CYLD: variants seen among roughly 807,000 people sequenced by gnomAD.
CYLD encodes the protein ubiquitin carboxyl-terminal hydrolase CYLD.
CYLD carries 26 observed loss-of-function variants against 104.5 expected under a neutral mutation model. The ratio of observed to expected loss-of-function variants is 0.25; its 90% CI spans 0.18 to 0.35. The LOEUF is 0.35. Ranked by LOEUF, CYLD falls within the 10% of genes least tolerant of loss-of-function variation. CYLD has a pLI of 1.00. For synonymous variants in CYLD, 385 were observed against 399.9 expected (o/e 0.96, Z 0.45); for missense variants, 703 against 1,136.1 (o/e 0.62, Z 5.48).
At position 50,779,789 on chromosome 16, in the gene CYLD, C is replaced by G; in HGVS notation, c.1263C>G (p.Phe421Leu). ...AGAACAGATTCCACTCTTTACCATT[C>G]AGTCTCACCAAGATGCCCAATACCA... ...TTENRFHSLP[F>L]SLTKMPNTNG... Residue 421 changes from phenylalanine to leucine, a missense_variant, in exon 9 of 19, where the codon TTC becomes TTG. Physicochemically the swap from Phe to Leu is conservative, Grantham distance 22. This residue lies in a region of CYLD where 183 missense variants were observed against 212.1 expected (regional missense o/e 0.86). Transcript: ENST00000427738. 6.2e-7 allele frequency: 1 copy of G among 1,613,950 alleles called. No individual in the cohort carries two copies.
chr16:50,748,792 G>C (rs1311553195), intron 2 of CYLD, among the ~76,000 whole-genome samples: 1 of 152,146 alleles, frequency 6.6e-6, no homozygotes, highest in Non-Finnish European at 1.5e-5. Context: ...TATATGAAAT[G>C]AAGTTGAGTC....
At chr16:50,749,020 A>G (rs1272153694) in intron 2 of CYLD, among the ~76,000 whole-genome samples, 2 of 152,166 alleles carry the variant, frequency 1.3e-5, no homozygotes, top group Non-Finnish European at 2.9e-5. Context: ...TAGGCAACAT[A>G]GTGAGACCCT....
chr16:50,790,659 A>G (rs1293749050), intron 14 of CYLD, among the ~76,000 whole-genome samples: 3 of 151,220 alleles, frequency 2.0e-5, no homozygotes, highest in Non-Finnish European at 2.9e-5. Flanking sequence ...TGGGGATATA[A>G]GTTGCTTTGG....
At chr16:50,761,736 A>G (rs1967944756) in intron 5 of CYLD, among the ~76,000 whole-genome samples, 1 of 150,432 alleles carries the variant, frequency 6.6e-6, no homozygotes, top group Non-Finnish European at 1.5e-5. Flanking sequence ...TGGTTTTAGT[A>G]CATATCTCTA....
intron 17 of CYLD, among the ~76,000 whole-genome samples, chr16:50,793,891 T>G (rs558699868): frequency 6.6e-6 from 1 of 152,026 alleles, no homozygotes; most frequent in South Asian, 2.1e-4. Flanking sequence ...CCCATTCACT[T>G]GACACATTGA....
At chr16:50,796,251 AG>A (rs1972039422) in intron 18 of CYLD, 72 bp from the exon 19 acceptor site, 1 of 1,466,522 alleles carries the variant, frequency 6.8e-7, no homozygotes, top group Admixed American at 1.7e-5. Flanking sequence ...TGGAAATGAT[AG>A]GATTATAAAA....
rs1297892695 is a variant in CYLD, at chr16:50,798,696, A to G, written c.*2188A>G. On this transcript the variant is annotated 3_prime_UTR_variant, in exon 19 of 19. Transcript: ENST00000427738. The stretch of plus-strand genomic sequence containing the variant: ...AAATACAAATTGAGGAAGCTCTGCT[A>G]CCCAGGCTGTCATGGTAGAGAACTT... The G allele has an allele frequency of 8.6e-6, 2 of 233,218 alleles. No homozygotes were observed. Among genetic ancestry groups the G allele is most frequent in the African/African-American group, 4.4e-5 (2 of 45,298 alleles). The allele number at this position is 233,218 out of a possible 1,614,324, so 14.4% of individuals were successfully genotyped here.
chr16:50,757,559 C>T (rs751642513), intron 5 of CYLD, among the ~76,000 whole-genome samples: 10 of 149,664 alleles, frequency 6.7e-5, no homozygotes, highest in East Asian at 3.9e-4. Flanking sequence ...TTTTTTGAGA[C>T]GGGGTCTCGC....
intron 5 of CYLD, among the ~76,000 whole-genome samples, chr16:50,762,442 G>A (rs989879797): frequency 2.6e-5 from 4 of 152,042 alleles, no homozygotes; most frequent in African/African-American, 9.7e-5. Context: ...GTTTCCAGAT[G>A]TACACGTGTG....
intron 7 of CYLD, 145 bp downstream of exon 7, chr16:50,776,422 G>A: frequency 1.4e-6 from 1 of 699,216 alleles, no homozygotes; most frequent in South Asian, 1.6e-5. Flanking sequence ...ACTAAAGTTT[G>A]TATATAAATA....
At chr16:50,769,015 AT>A (rs1351015698) in intron 5 of CYLD, among the ~76,000 whole-genome samples, 1 of 152,052 alleles carries the variant, frequency 6.6e-6, no homozygotes, top group East Asian at 1.9e-4. Context: ...CGACATAATT[AT>A]TTTTTATTCA....
At chr16:50,795,324 G>A (rs1971918315) in intron 18 of CYLD, among the ~76,000 whole-genome samples, 1 of 152,154 alleles carries the variant, frequency 6.6e-6, no homozygotes, top group Non-Finnish European at 1.5e-5. Flanking sequence ...TCCCTGAAGT[G>A]GGGAATAGGC....
At chr16:50,790,512 G>A (rs1029649705) in intron 14 of CYLD, among the ~76,000 whole-genome samples, 15 of 151,684 alleles carry the variant, frequency 9.9e-5, no homozygotes, top group African/African-American at 3.6e-4. Flanking sequence ...AAAAATTCTG[G>A]TCTTTTGTCA....
intron 5 of CYLD, among the ~76,000 whole-genome samples, chr16:50,772,831 C>T (rs1467177100): frequency 6.6e-6 from 1 of 152,186 alleles, no homozygotes; most frequent in Non-Finnish European, 1.5e-5. Context: ...ACTCCTGGTC[C>T]TATGAGACAG....
chr16:50,788,178 A>G (rs1269535977), intron 14 of CYLD, among the ~76,000 whole-genome samples: 1 of 152,206 alleles, frequency 6.6e-6, no homozygotes, highest in East Asian at 1.9e-4. Context: ...AAAATATCTC[A>G]TTCTAACTTA....
intron 5 of CYLD, among the ~76,000 whole-genome samples, chr16:50,764,677 C>G (rs1275988986): frequency 1.3e-5 from 2 of 152,106 alleles, no homozygotes; most frequent in Non-Finnish European, 2.9e-5. Flanking sequence ...TTTTTTAGGT[C>G]TAAGCCCGTA....
At chr16:50,780,384 T>G (rs1373855507) in intron 9 of CYLD, among the ~76,000 whole-genome samples, 1 of 152,202 alleles carries the variant, frequency 6.6e-6, no homozygotes, top group Non-Finnish European at 1.5e-5. Context: ...TTCTAATAAT[T>G]ATATCACTGG....
rs1010722755 is a variant in CYLD at position 50,782,122 on chromosome 16, G to C, written c.1685-203G>C. On this transcript the variant is annotated intron_variant, in intron 10 of 18. Transcript: ENST00000427738. ...CTAAAGTGTGTTTTTAAATCTTGGAGGAAATGAAGTTGAAAATGAACAATA... is the reference window on the plus strand; with the variant it reads ...CTAAAGTGTGTTTTTAAATCTTGGACGAAATGAAGTTGAAAATGAACAATA... 2.0e-5 allele frequency among the ~76,000 whole-genome samples: 3 copies of C among 152,194 alleles called. No homozygotes were observed. In the South Asian group the frequency reaches 6.2e-4, roughly 32 times the overall value.
intron 14 of CYLD, among the ~76,000 whole-genome samples, chr16:50,790,233 A>C (rs1971292220): frequency 6.6e-6 from 1 of 152,230 alleles, no homozygotes; most frequent in Admixed American, 6.5e-5. Flanking sequence ...TACTTCAGTA[A>C]AACAAAACTG....
Sources: allele counts gnomAD v4.1 joint callset (sites outside exome capture counted in the v4.1 genomes callset), GRCh38; gene constraint gnomAD v4.1.1; regional missense constraint gnomAD v4.1.1; transcripts MANE v1.5; gene names NCBI Gene and HGNC (gene_info 2026-07-23, HGNC 2026-07-21).